RPP38: variants seen among roughly 807,000 people sequenced by gnomAD.
RPP38 encodes the protein ribonuclease P/MRP subunit p38, also known as ribonuclease P protein subunit p38.
Under a neutral mutation model 1.7 loss-of-function variants are expected in RPP38, and 2 were observed. The ratio of observed to expected loss-of-function variants is 1.18; its 90% CI spans 0.48 to 3.70. The LOEUF is 3.70. Ranked by LOEUF, RPP38 falls within the 30% of genes most tolerant of loss-of-function variation. The pLI is 0.07. For synonymous variants in RPP38, 151 were observed against 131.8 expected, an observed-to-expected ratio of 1.15 and a Z score of -1.00; for missense variants, 358 against 340.1, an observed-to-expected ratio of 1.05 and a Z score of -0.41.
intron 1 of RPP38, among the ~76,000 whole-genome samples, chr10:15,100,209 GTATT>G (rs1212420404): frequency 6.6e-6 from 1 of 152,172 alleles, no homozygotes; most frequent in African/African-American, 2.4e-5. Context: ...ATGATTTTAA[GTATT>G]TATTCTGTGG....
chr10:15,097,657 A>T lies in RPP38; in HGVS notation c.-239A>T, dbSNP rs1043390511. On this transcript the variant is annotated 5_prime_UTR_variant, in exon 1 of 3. Coordinates refer to ENST00000378197, the MANE Select transcript of RPP38 (RefSeq NM_183005.5). ...TGCTGGATTGCAGCGCCGGCTGGGC[A>T]CCAGGAGTACAAAGCGAAAACCCCC... 6 of 152,364 alleles carry T rather than the reference A, an allele frequency of 3.9e-5. No individual in the cohort carries two copies. The highest frequency in any genetic ancestry group is 5.9e-5 in the Non-Finnish European group (4 of 68,120). 9.4% of individuals were successfully genotyped at this position (152,364 alleles called of 1,614,324 possible).
chr10:15,103,709 T>G lies in RPP38; in HGVS notation c.395T>G (p.Val132Gly). 6.2e-7 allele frequency: 1 copy of G among 1,613,948 alleles called. No individual in the cohort carries two copies. The highest frequency in any genetic ancestry group is 8.5e-7 in the Non-Finnish European group (1 of 1,180,014). Residue 132 changes from valine (V) to glycine (G), a missense_variant, in exon 3 of 3, where the codon GTT (valine) becomes GGT (glycine). Transcript: ENST00000378197. Reference protein sequence around the residue: ...RALERRELLLVLVCKSVKPAM... With the variant: ...RALERRELLLGLVCKSVKPAM... ...CTGGAAAGGAGGGAACTGCTGTTAG[T>G]TCTGGTGTGTAAATCAGTCAAGCCT...
At chr10:15,100,676 C>T (rs552727978) in intron 1 of RPP38, among the ~76,000 whole-genome samples, 85 of 151,256 alleles carry the variant, frequency 5.6e-4, no homozygotes, top group African/African-American at 1.8e-3. Flanking sequence ...ATCAGATTCA[C>T]GAGGGCAACT....
At chr10:15,101,865 A>G (rs12245081) in intron 1 of RPP38, among the ~76,000 whole-genome samples, 59,285 of 151,980 alleles carry the variant, frequency 0.39, 15,982 homozygotes, top group African/African-American at 0.77. Flanking sequence ...ACTCCAGCCT[A>G]GGCAACAAGA....
intron 1 of RPP38, among the ~76,000 whole-genome samples, chr10:15,099,918 G>C (rs191640102): frequency 6.6e-6 from 1 of 152,166 alleles, no homozygotes; most frequent in Non-Finnish European, 1.5e-5. Flanking sequence ...ATGATCGAAC[G>C]ACTGCACTAC....
In RPP38 at chr10:15,103,358, A is replaced by G; in HGVS notation, c.44A>G (p.Lys15Arg). ...PQAPGRGSLRKTRPLVVKTSL... is the reference protein window; with the variant it reads ...PQAPGRGSLRRTRPLVVKTSL... Reference sequence around the variant, plus strand: ...GCACCGGGGCGGGGATCTCTCCGTAAGACGAGACCTCTGGTTGTGAAGACG... The same window carrying G: ...GCACCGGGGCGGGGATCTCTCCGTAGGACGAGACCTCTGGTTGTGAAGACG... Residue 15 changes from lysine to arginine, a missense_variant, in exon 3 of 3, where the codon AAG (lysine) becomes AGG (arginine). Coordinates refer to ENST00000378197, the MANE Select transcript of RPP38 (RefSeq NM_183005.5). 6.2e-7 allele frequency: 1 copy of G among 1,607,124 alleles called. No individual in the cohort carries two copies. The highest frequency in any genetic ancestry group is 1.1e-5 in the South Asian group (1 of 89,130).
intron 1 of RPP38, among the ~76,000 whole-genome samples, chr10:15,101,817 G>T (rs1389321782): frequency 6.6e-6 from 1 of 152,130 alleles, no homozygotes; most frequent in Non-Finnish European, 1.5e-5. Context: ...TTGAATCTGG[G>T]AGGCAGAGGT....
At chr10:15,099,290 G>C (rs7907915) in intron 1 of RPP38, among the ~76,000 whole-genome samples, 27,882 of 151,694 alleles carry the variant, frequency 0.18, 3,061 homozygotes, top group African/African-American at 0.32. Flanking sequence ...GAGAAAGAGG[G>C]CCTAAGTGGG....
rs757553633 is a variant in RPP38, at chr10:15,103,757, T to C, written c.443T>C (p.Ile148Thr). 1 of 1,613,972 alleles carries C rather than the reference T, an allele frequency of 6.2e-7. No individual in the cohort carries two copies. Among genetic ancestry groups the C allele is most frequent in the Non-Finnish European group, 8.5e-7 (1 of 1,180,028 alleles). Reference protein sequence around the residue: ...VKPAMITSHLIQLSLSRSVPA... With the variant: ...VKPAMITSHLTQLSLSRSVPA... ...CCTGCCATGATCACCTCACACTTGA[T>C]TCAGTTAAGCCTAAGCAGAAGTGTC... The change falls in exon 3 of 3, where the codon ATT (isoleucine) becomes ACT (threonine). Residue 148 changes from isoleucine to threonine, a missense_variant. Transcript: ENST00000378197.
Position 15,103,318 on chromosome 10 carries a change from G to C in RPP38, c.4G>C (p.Ala2Pro). The change falls in exon 3 of 3, where the codon GCT (alanine) becomes CCT (proline). Residue 2 changes from alanine (A) to proline (P), a missense_variant. Physicochemically the swap from Ala to Pro is conservative, Grantham distance 27. Transcript: ENST00000378197. M[A>P]AAPQAPGRGS... is the part of the protein sequence containing the mutation. ...GCTTCTTGGAAGGATTTTCAAAATG[G>C]CTGCAGCTCCTCAAGCACCGGGGCG... is the stretch of plus-strand genomic sequence containing the variant. 6.4e-7 allele frequency: 1 copy of C among 1,564,498 alleles called. No individual in the cohort carries two copies. The highest frequency in any genetic ancestry group is 8.6e-7 in the Non-Finnish European group (1 of 1,159,720).
chr10:15,099,417 A>G (rs1342593858), intron 1 of RPP38, among the ~76,000 whole-genome samples: 2 of 151,314 alleles, frequency 1.3e-5, no homozygotes, highest in Non-Finnish European at 1.5e-5. Flanking sequence ...GGATTGCCTG[A>G]GCCTAGGAGT....
intron 1 of RPP38, among the ~76,000 whole-genome samples, chr10:15,101,445 A>G (rs1408370114): frequency 6.6e-6 from 1 of 152,188 alleles, no homozygotes; most frequent in East Asian, 1.9e-4. Context: ...GGATAAAAGG[A>G]TATGCCCTCT....
rs533716810 is a variant in RPP38, at chr10:15,097,471, C to T, written c.-425C>T. 6.6e-6 allele frequency: 1 copy of T among 152,366 alleles called. No homozygotes were observed. The highest frequency in any genetic ancestry group is 2.1e-4 in the South Asian group (1 of 4,834). The allele number at this position is 152,366 out of a possible 1,614,324, so 9.4% of individuals were successfully genotyped here. On this transcript the variant is annotated 5_prime_UTR_variant, in exon 1 of 3. Transcript: ENST00000378197. ...CCCCGGGGGGATCGGGCCCGGGACT[C>T]TGCGGAATCTGGAGGCCGAAGCCCG... is the stretch of plus-strand genomic sequence containing the variant.
At chr10:15,101,991 A>G (rs1845121860) in intron 1 of RPP38, among the ~76,000 whole-genome samples, 2 of 152,148 alleles carry the variant, frequency 1.3e-5, no homozygotes, top group Non-Finnish European at 2.9e-5. Context: ...AGACTTACAA[A>G]AGTGGACGTG....
chr10:15,099,246 C>A (rs757770506), intron 1 of RPP38, among the ~76,000 whole-genome samples: 17 of 151,974 alleles, frequency 1.1e-4, no homozygotes, highest in Non-Finnish European at 2.1e-4. Flanking sequence ...GTATGTTGTT[C>A]GGTGTTGAGG....
At chr10:15,098,274 G>C (rs1385179483) in intron 1 of RPP38, among the ~76,000 whole-genome samples, 1 of 135,576 alleles carries the variant, frequency 7.4e-6, no homozygotes, top group Non-Finnish European at 1.5e-5. Flanking sequence ...GCCCAGGCTG[G>C]AGTGCAGTGG....
chr10:15,100,913 C>T (rs1376867403), intron 1 of RPP38, among the ~76,000 whole-genome samples: 1 of 152,170 alleles, frequency 6.6e-6, no homozygotes, highest in African/African-American at 2.4e-5. Context: ...GAACTCCTGA[C>T]CTTATGATCC....
In RPP38 at chr10:15,103,675, A is replaced by G. The variant is rs746086036; in HGVS notation, c.361A>G (p.Thr121Ala). Reference sequence around the variant, plus strand: ...GCTTGCCATTGGCGTTAACGAAGTTACCAGAGCCCTGGAAAGGAGGGAACT... The same window carrying G: ...GCTTGCCATTGGCGTTAACGAAGTTGCCAGAGCCCTGGAAAGGAGGGAACT... ...KQLAIGVNEV[T>A]RALERRELLL... is the part of the protein sequence containing the mutation. Residue 121 changes from threonine (T) to alanine (A), a missense_variant, in exon 3 of 3, where the codon ACC becomes GCC. By Grantham distance (58) the Thr-to-Ala change is moderately conservative. Coordinates refer to ENST00000378197, the MANE Select transcript of RPP38 (RefSeq NM_183005.5). 6.2e-7 allele frequency: 1 copy of G among 1,614,102 alleles called. No homozygotes were observed. The highest frequency in any genetic ancestry group is 8.5e-7 in the Non-Finnish European group (1 of 1,180,030).
At position 15,103,331 on chromosome 10, in the gene RPP38, A is replaced by C. The variant is rs1471333627; in HGVS notation, c.17A>C (p.Gln6Pro). 2 of 1,571,314 alleles carry C rather than the reference A, an allele frequency of 1.3e-6. No homozygotes were observed. Among genetic ancestry groups the C allele is most frequent in the Non-Finnish European group, 1.7e-6 (2 of 1,162,416 alleles). MAAAP[Q>P]APGRGSLRKT... ...ATTTTCAAAATGGCTGCAGCTCCTC[A>C]AGCACCGGGGCGGGGATCTCTCCGT... Residue 6 changes from glutamine (Q) to proline (P), a missense_variant, in exon 3 of 3, where the codon CAA (glutamine) becomes CCA (proline). Coordinates refer to ENST00000378197, the MANE Select transcript of RPP38 (RefSeq NM_183005.5).
Sources: gnomAD v4.1 joint callset for allele counts (sites outside exome capture counted in the v4.1 genomes callset) on GRCh38, gnomAD v4.1.1 for gene constraint, MANE v1.5 for transcripts, NCBI Gene and HGNC (gene_info 2026-07-23, HGNC 2026-07-21) for gene names.